The following PRDM5 variants were observed in gnomAD, a reference collection of about 807,000 sequenced individuals.
The protein encoded by PRDM5 is PR domain zinc finger protein 5.
A neutral mutation model predicts 81.2 loss-of-function variants in PRDM5; 56 were observed. That is an observed-to-expected ratio of 0.69 (90% CI 0.56 to 0.86). The LOEUF (loss-of-function observed/expected upper bound fraction) is 0.86, where lower values mean the gene tolerates loss of function less well. Ranked by LOEUF, PRDM5 falls within the 40% of genes least tolerant of loss-of-function variation. PRDM5 has a pLI of 0.00. For synonymous variants in PRDM5, 267 were observed against 256.4 expected, an observed-to-expected ratio of 1.04 and a Z score of -0.39; for missense variants, 697 against 770.1, an observed-to-expected ratio of 0.91 and a Z score of 1.12.
chr4:120,829,291 C>A (rs1051535131), intron 3 of PRDM5, among the ~76,000 whole-genome samples: 4 of 152,058 alleles, frequency 2.6e-5, no homozygotes, highest in Non-Finnish European at 2.9e-5. Context: ...GCCTTCCAGT[C>A]TAATTATTTC....
At chr4:120,759,717 T>C (rs1745319823) in intron 13 of PRDM5, among the ~76,000 whole-genome samples, 1 of 152,222 alleles carries the variant, frequency 6.6e-6, no homozygotes, top group Non-Finnish European at 1.5e-5. Flanking sequence ...GGCTCTGATG[T>C]ACAATGTGAT....
intron 13 of PRDM5, among the ~76,000 whole-genome samples, chr4:120,772,105 G>A (rs1242887529): frequency 6.6e-6 from 1 of 152,140 alleles, no homozygotes; most frequent in African/African-American, 2.4e-5. Flanking sequence ...CATTATGCAA[G>A]ACTGACTCCT....
rs138195007 is a variant in PRDM5 at position 120,902,965 on chromosome 4, A to T, written c.177+4509T>A. Among the ~76,000 whole-genome samples, 309 of 152,266 alleles carry T rather than the reference A, an allele frequency of 2.0e-3. 4 individuals carry two copies. The highest frequency in any genetic ancestry group is 8.3e-3 in the South Asian group (40 of 4,822). On this transcript the variant is annotated intron_variant, in intron 2 of 15. Coordinates refer to ENST00000264808, the MANE Select transcript of PRDM5 (RefSeq NM_018699.4). ...CCAGGAGGCTCAATCCTGACTGGTA[A>T]CTCCAAGTTCTTTGGTATGAAATGG... is the stretch of plus-strand genomic sequence containing the variant.
chr4:120,730,429 G>C (rs186126999), intron 14 of PRDM5, among the ~76,000 whole-genome samples: 1 of 152,150 alleles, frequency 6.6e-6, no homozygotes, highest in African/African-American at 2.4e-5. Context: ...AAATTATTTA[G>C]GAATCTCAAC....
intron 2 of PRDM5, among the ~76,000 whole-genome samples, chr4:120,892,192 GGTTT>G (rs929077010): frequency 1.3e-5 from 2 of 151,840 alleles, no homozygotes; most frequent in Non-Finnish European, 2.9e-5. Flanking sequence ...ATGATTTTAG[GGTTT>G]TTTTTTCTTT....
At chr4:120,830,717 T>C (rs1458003325) in intron 3 of PRDM5, among the ~76,000 whole-genome samples, 1 of 152,038 alleles carries the variant, frequency 6.6e-6, no homozygotes, top group Non-Finnish European at 1.5e-5. Flanking sequence ...AATCAGGTCA[T>C]ATAAGAAAAA....
rs1734354388 is a variant in PRDM5 at position 120,695,028 on chromosome 4, T to C, written c.*83A>G. 2.0e-6 allele frequency: 3 copies of C among 1,503,108 alleles called. No individual in the cohort carries two copies. The highest frequency in any genetic ancestry group is 2.8e-6 in the Non-Finnish European group (3 of 1,082,758). The allele number at this position is 1,503,108 out of a possible 1,614,324, so 93.1% of individuals were successfully genotyped here. On this transcript the variant is annotated 3_prime_UTR_variant, in exon 16 of 16. Coordinates refer to ENST00000264808, the MANE Select transcript of PRDM5 (RefSeq NM_018699.4). Reference sequence around the variant, plus strand: ...AGACCAGTAAGTCACTTTTGGCTACTTCTGTTATGCTGATCAGGTGATAAA... The same window carrying C: ...AGACCAGTAAGTCACTTTTGGCTACCTCTGTTATGCTGATCAGGTGATAAA...
intron 3 of PRDM5, among the ~76,000 whole-genome samples, chr4:120,828,246 A>G (rs1756272191): frequency 6.6e-6 from 1 of 152,068 alleles, no homozygotes; most frequent in Admixed American, 6.6e-5. Flanking sequence ...TACTTCAAAG[A>G]ATTGTTTTGA....
rs1309853363 is a variant in PRDM5, at chr4:120,918,020, T to C, written c.93+4496A>G. On this transcript the variant is annotated intron_variant, in intron 1 of 15. Transcript: ENST00000264808. The stretch of plus-strand genomic sequence containing the variant: ...TTTATTGCAGGACTTCACTAAAAAC[T>C]GTGTAAAGCATCTAGTGACTGTTGT... 6.6e-5 allele frequency among the ~76,000 whole-genome samples: 10 copies of C among 152,312 alleles called. No homozygotes were observed. The South Asian group carries it at 1.2e-3, about 19-fold the overall frequency.
At chr4:120,895,494 C>T (rs753282595) in intron 2 of PRDM5, 8 of 152,278 alleles carry the variant, frequency 5.3e-5, no homozygotes, top group Non-Finnish European at 1.0e-4. Flanking sequence ...TAGTATTCCA[C>T]TAGTCATCTT....
chr4:120,796,453 A>G (rs771892499), intron 10 of PRDM5, among the ~76,000 whole-genome samples: 1 of 152,176 alleles, frequency 6.6e-6, no homozygotes, highest in Non-Finnish European at 1.5e-5. Context: ...CCTGTGCCAA[A>G]TTCCCATATG....
At chr4:120,706,758 TTATA>T (rs10608924) in intron 15 of PRDM5, among the ~76,000 whole-genome samples, 31,661 of 143,856 alleles carry the variant, frequency 0.22, 3,703 homozygotes, top group Non-Finnish European at 0.28. Flanking sequence ...TATATAAATT[TTATA>T]TATATATATA....
At chr4:120,909,262 T>A (rs1430249145) in intron 1 of PRDM5, among the ~76,000 whole-genome samples, 1 of 152,180 alleles carries the variant, frequency 6.6e-6, no homozygotes, top group African/African-American at 2.4e-5. Context: ...GACAGCTGCA[T>A]GGTCCACTGC....
chr4:120,816,679 C>A, intron 6 of PRDM5, 105 bp from the exon 7 acceptor site: 1 of 1,568,102 alleles, frequency 6.4e-7, no homozygotes, highest in Non-Finnish European at 8.8e-7. Flanking sequence ...AGTAGAGTTT[C>A]GGGGTCATTC....
chr4:120,899,666 G>T (rs556538566), intron 2 of PRDM5, among the ~76,000 whole-genome samples: 15 of 152,236 alleles, frequency 9.9e-5, no homozygotes, highest in Middle Eastern at 3.4e-3. Flanking sequence ...CTCTCTGGTG[G>T]ATTATTCAGA....
At chr4:120,732,001 G>C (rs1298808363) in intron 14 of PRDM5, among the ~76,000 whole-genome samples, 1 of 152,148 alleles carries the variant, frequency 6.6e-6, no homozygotes. Context: ...AAGTTGTAAT[G>C]GTTCCTATAG....
chr4:120,905,212 G>T (rs1329643851), intron 2 of PRDM5, among the ~76,000 whole-genome samples: 1 of 152,122 alleles, frequency 6.6e-6, no homozygotes, highest in Non-Finnish European at 1.5e-5. Context: ...TTGCACTGAA[G>T]AAACCTTTCA....
chr4:120,907,540 G>C lies in PRDM5; in HGVS notation c.111C>G (p.Pro37=), dbSNP rs756977753. 3.7e-6 allele frequency: 6 copies of C among 1,612,016 alleles called. No individual in the cohort carries two copies. In the Middle Eastern group the frequency reaches 6.6e-4, roughly 177 times the overall value. The change falls in exon 2 of 16, where the codon CCC becomes CCG. Residue 37 remains proline, a synonymous_variant. Coordinates refer to ENST00000264808, the MANE Select transcript of PRDM5 (RefSeq NM_018699.4). ...RRVRKGEKFG[P]FAGEKRMPED... Reference sequence around the variant, plus strand: ...CAGGCATTCTCTTCTCTCCAGCAAAGGGTCCGAACTTTTCACCCTGAGTAG... The same window carrying C: ...CAGGCATTCTCTTCTCTCCAGCAAACGGTCCGAACTTTTCACCCTGAGTAG...
At chr4:120,702,869 C>T (rs1437799637) in intron 15 of PRDM5, among the ~76,000 whole-genome samples, 1 of 152,244 alleles carries the variant, frequency 6.6e-6, no homozygotes, top group Non-Finnish European at 1.5e-5. Flanking sequence ...CCAAATTCTT[C>T]AATGGCTTCT....
Sources: allele counts gnomAD v4.1 joint callset (sites outside exome capture counted in the v4.1 genomes callset), GRCh38; gene constraint gnomAD v4.1.1; transcripts MANE v1.5; gene names NCBI Gene and HGNC (gene_info 2026-07-23, HGNC 2026-07-21).